Variants in WDR33 observed in about 807,000 individuals in gnomAD.
The protein encoded by WDR33 is WD repeat domain 33, also known as pre-mRNA 3' end processing protein WDR33.
A neutral mutation model predicts 164.9 loss-of-function variants in WDR33; 47 were observed. The ratio of observed to expected loss-of-function variants is 0.29; its 90% CI spans 0.23 to 0.36. The LOEUF (loss-of-function observed/expected upper bound fraction) is 0.36, where lower values mean the gene tolerates loss of function less well. Ranked by LOEUF, WDR33 falls within the 10% of genes least tolerant of loss-of-function variation. WDR33 has a pLI of 1.00. For missense variants in WDR33, 1,137 were observed against 1,754.1 expected, an observed-to-expected ratio of 0.65 and a Z score of 6.28; for synonymous variants, 505 against 589.0, an observed-to-expected ratio of 0.86 and a Z score of 2.06.
chr2:127,767,608 G>C (rs1687861886), intron 4 of WDR33, among the ~76,000 whole-genome samples: 1 of 152,136 alleles, frequency 6.6e-6, no homozygotes, highest in African/African-American at 2.4e-5. Flanking sequence ...CCAGCTACTA[G>C]GGAGGCTGAG....
chr2:127,772,424 G>A (rs1688039269), intron 1 of WDR33, among the ~76,000 whole-genome samples: 1 of 149,102 alleles, frequency 6.7e-6, no homozygotes, highest in East Asian at 2.0e-4. Context: ...GGGCGACAAG[G>A]CAAGACTGTC....
rs1426118046 is a variant in WDR33 at position 127,724,667 on chromosome 2, A to G, written c.1085+220T>C. ...ACAGGGGAAAAGGCTGCAAGCATTT[A>G]GAAACTAGAAAATCTATTTTATTCC... On this transcript the variant is annotated intron_variant, in intron 10 of 21. Transcript: ENST00000322313. This position sits in a 1 kb window ranked among gnomAD's most constrained non-coding sequence, Gnocchi z 4.8. Among the ~76,000 whole-genome samples the G allele has an allele frequency of 6.6e-6, 1 of 152,248 alleles. No individual in the cohort carries two copies. Among genetic ancestry groups the G allele is most frequent in the Non-Finnish European group, 1.5e-5 (1 of 68,036 alleles).
At chr2:127,748,592 C>G (rs1043094274) in intron 7 of WDR33, among the ~76,000 whole-genome samples, 2 of 152,050 alleles carry the variant, frequency 1.3e-5, no homozygotes, top group Non-Finnish European at 2.9e-5. Flanking sequence ...CCAAATTGAT[C>G]AAGAGAATAA....
chr2:127,709,563 A>C lies in WDR33; in HGVS notation c.3492T>G (p.Leu1164=). The change falls in exon 20 of 22, where the codon CTT becomes CTG. Residue 1164 remains leucine (L), a synonymous_variant. Coordinates refer to ENST00000322313, the MANE Select transcript of WDR33 (RefSeq NM_018383.5). The surrounding 1 kb of genome is among the most constrained non-coding windows in gnomAD (Gnocchi z 5.0). ...AGCGAGGGAACTCGTCAGGAGTGGG[A>C]AGTAAACCCTTCCTTCCTCCTACAC... ...GTPRGGRKGL[L]PTPDEFPRFE... is the part of the protein sequence containing the mutation. 1 of 1,613,926 alleles carries C rather than the reference A, an allele frequency of 6.2e-7. No homozygotes were observed. The highest frequency in any genetic ancestry group is 8.5e-7 in the Non-Finnish European group (1 of 1,179,776).
At chr2:127,753,858 A>G (rs1363241894) in intron 7 of WDR33, among the ~76,000 whole-genome samples, 1 of 152,222 alleles carries the variant, frequency 6.6e-6, no homozygotes, top group Admixed American at 6.5e-5. Flanking sequence ...CACAAAATGT[A>G]AAGAACAGTA....
rs1022163946 is a variant in WDR33, at chr2:127,701,879, G to C, written c.*4444C>G. ...CGCTGCTCTGGTCACTGGGCTCGGC[G>C]CTGGCGTTGGCGGGAAGCGCGCTGC... is the stretch of plus-strand genomic sequence containing the variant. On this transcript the variant is annotated 3_prime_UTR_variant, in exon 22 of 22. Transcript: ENST00000322313. 11 of 1,457,372 alleles carry C rather than the reference G, an allele frequency of 7.5e-6. No individual in the cohort carries two copies. Among genetic ancestry groups the C allele is most frequent in the African/African-American group, 4.5e-5 (3 of 67,388 alleles). 90.3% of individuals were successfully genotyped at this position (1,457,372 alleles called of 1,614,324 possible).
chr2:127,749,785 A>G (rs578075890), intron 7 of WDR33, among the ~76,000 whole-genome samples: 9 of 152,202 alleles, frequency 5.9e-5, no homozygotes, highest in African/African-American at 2.2e-4. Flanking sequence ...CTCGTCAGCA[A>G]GAACTGAAAC....
Position 127,701,602 on chromosome 2 carries a change from C to T in WDR33, c.*4721G>A. ...GCTGGCGGCCCGGCGGCCGCGGAGC[C>T]GCTGCTCGCCGCGGAGAAGGCGGAG... On this transcript the variant is annotated 3_prime_UTR_variant, in exon 22 of 22. Transcript: ENST00000322313. 1 of 1,347,536 alleles carries T rather than the reference C, an allele frequency of 7.4e-7. No individual in the cohort carries two copies. The highest frequency in any genetic ancestry group is 1.9e-5 in the South Asian group (1 of 52,952). The allele number at this position is 1,347,536 out of a possible 1,614,324, so 83.5% of individuals were successfully genotyped here. A position where few individuals can be genotyped will look rare whatever the true frequency, so the allele number is the denominator to read the frequency against.
chr2:127,748,657 G>A (rs1369893095), intron 7 of WDR33, among the ~76,000 whole-genome samples: 1 of 152,120 alleles, frequency 6.6e-6, no homozygotes, highest in Non-Finnish European at 1.5e-5. Flanking sequence ...AAGTATCTGG[G>A]TTATGTCTAG....
chr2:127,776,355 T>C (rs1019037187), intron 1 of WDR33, among the ~76,000 whole-genome samples: 6 of 152,218 alleles, frequency 3.9e-5, no homozygotes, highest in Middle Eastern at 3.2e-3. Context: ...ACCCAGTCTA[T>C]GGTATTTTGT....
At chr2:127,775,571 T>C (rs1370962975) in intron 1 of WDR33, among the ~76,000 whole-genome samples, 1 of 152,162 alleles carries the variant, frequency 6.6e-6, no homozygotes, top group Non-Finnish European at 1.5e-5. Flanking sequence ...AGTACCTGGA[T>C]ACAAAGCACT....
chr2:127,750,719 T>C (rs1409328758), intron 7 of WDR33, among the ~76,000 whole-genome samples: 2 of 61,082 alleles, frequency 3.3e-5, no homozygotes, highest in East Asian at 4.3e-4. Flanking sequence ...TATATGTATG[T>C]ATGCATACAT....
Position 127,704,100 on chromosome 2 carries a change from G to A in WDR33, c.*2223C>T, listed in dbSNP as rs1285770049. ...GATCACACCACTGCACCACAGCCTA[G>A]GCAACAGCGAGACCTTGTCTCAAAA... On this transcript the variant is annotated 3_prime_UTR_variant, in exon 22 of 22. Coordinates refer to ENST00000322313, the MANE Select transcript of WDR33 (RefSeq NM_018383.5). 1 of 166,544 alleles carries A rather than the reference G, an allele frequency of 6.0e-6. No individual in the cohort carries two copies. Among genetic ancestry groups the A allele is most frequent in the Non-Finnish European group, 1.5e-5 (1 of 68,082 alleles). The allele number at this position is 166,544 out of a possible 1,614,324, so 10.3% of individuals were successfully genotyped here.
chr2:127,736,815 CA>C (rs1686859495), intron 7 of WDR33: 1 of 985,320 alleles, frequency 1.0e-6, no homozygotes, highest in African/African-American at 1.7e-5. Flanking sequence ...CTGAAACTTA[CA>C]TATCAGGCTG....
chr2:127,783,755 C>A (rs909278681), intron 1 of WDR33, among the ~76,000 whole-genome samples: 3 of 151,740 alleles, frequency 2.0e-5, no homozygotes, highest in Non-Finnish European at 4.4e-5. Flanking sequence ...CAGGCGTGCA[C>A]CACCACCCCC....
At position 127,704,868 on chromosome 2, in the gene WDR33, G is replaced by T. The variant is rs538345209; in HGVS notation, c.*1455C>A. The T allele has an allele frequency of 1.7e-4, 28 of 165,654 alleles. No homozygotes were observed. Among genetic ancestry groups the T allele is most frequent in the Non-Finnish European group, 3.7e-4 (25 of 68,114 alleles). The allele number at this position is 165,654 out of a possible 1,614,324, so 10.3% of individuals were successfully genotyped here. A position where few individuals can be genotyped will look rare whatever the true frequency, so the allele number is the denominator to read the frequency against. On this transcript the variant is annotated 3_prime_UTR_variant, in exon 22 of 22. Coordinates refer to ENST00000322313, the MANE Select transcript of WDR33 (RefSeq NM_018383.5). Reference sequence around the variant, plus strand: ...TTTGGGAGGCCACAGCAGGTGGACCGCTTGAGCCCAGGAGTTTGAAACCAG... The same window carrying T: ...TTTGGGAGGCCACAGCAGGTGGACCTCTTGAGCCCAGGAGTTTGAAACCAG...
In WDR33 at chr2:127,708,928, C is replaced by G. The variant is rs761589120; in HGVS notation, c.3566-36G>C. 6.6e-7 allele frequency: 1 copy of G among 1,510,226 alleles called. No homozygotes were observed. The highest frequency in any genetic ancestry group is 1.3e-5 in the South Asian group (1 of 75,440). 93.6% of individuals were successfully genotyped at this position (1,510,226 alleles called of 1,614,324 possible). ...AAACAAATCTCCTTACAGGAAAGCA[C>G]AGTGTGACCAGAAGTAGATGGGAAT... is the stretch of plus-strand genomic sequence containing the variant. On this transcript the variant is annotated intron_variant, in intron 20 of 21. Transcript: ENST00000322313. This position sits in a 1 kb window ranked among gnomAD's most constrained non-coding sequence, Gnocchi z 6.7.
At chr2:127,808,885 C>A (rs1383744411) in intron 1 of WDR33, among the ~76,000 whole-genome samples, 1 of 152,024 alleles carries the variant, frequency 6.6e-6, no homozygotes, top group African/African-American at 2.4e-5. Context: ...AAAAAATTAG[C>A]CGGACGCGGT....
At chr2:127,784,114 A>G (rs1321749479) in intron 1 of WDR33, among the ~76,000 whole-genome samples, 2 of 152,164 alleles carry the variant, frequency 1.3e-5, no homozygotes, top group Non-Finnish European at 2.9e-5. Context: ...TTATCTTTTT[A>G]GTATCTAGCT....
Sources: allele counts gnomAD v4.1 joint callset (sites outside exome capture counted in the v4.1 genomes callset), GRCh38; gene constraint gnomAD v4.1.1; non-coding constraint Gnocchi (gnomAD v3.1); transcripts MANE v1.5; gene names NCBI Gene and HGNC (gene_info 2026-07-23, HGNC 2026-07-21).